Variants in FBXL14 observed in about 807,000 individuals in gnomAD.
FBXL14 encodes the protein F-box/LRR-repeat protein 14.
Under a neutral mutation model 24.5 loss-of-function variants are expected in FBXL14, and 11 were observed. The ratio of observed to expected loss-of-function variants is 0.45; its 90% CI spans 0.28 to 0.74. The LOEUF (loss-of-function observed/expected upper bound fraction) is 0.74. FBXL14 is among the 30% of genes least tolerant of loss of function. FBXL14 has a pLI of 0.12. For missense variants in FBXL14, 384 were observed against 545.6 expected (o/e 0.70, Z 2.95); for synonymous variants, 294 against 240.4 (o/e 1.22, Z -2.06).
In FBXL14 at chr12:1,566,367, C is replaced by T. The variant is rs1389208889; in HGVS notation, c.*381G>A. The stretch of plus-strand genomic sequence containing the variant: ...ATCTTATATGTATATATATAATACC[C>T]CTGTACATAGATATATGTACACATG... On this transcript the variant is annotated 3_prime_UTR_variant, in exon 2 of 2. Transcript: ENST00000339235. 6.2e-6 allele frequency: 1 copy of T among 161,686 alleles called. No individual in the cohort carries two copies. The highest frequency in any genetic ancestry group is 1.3e-5 in the Non-Finnish European group (1 of 74,710). 10.0% of individuals were successfully genotyped at this position (161,686 alleles called of 1,614,324 possible).
intron 1 of FBXL14, among the ~76,000 whole-genome samples, chr12:1,583,755 A>C (rs756494585): frequency 6.6e-6 from 1 of 152,220 alleles, no homozygotes; most frequent in Non-Finnish European, 1.5e-5. Context: ...GTTTTGCATT[A>C]ACCATACTTT....
chr12:1,582,467 T>C (rs969117357), intron 1 of FBXL14, among the ~76,000 whole-genome samples: 1 of 152,158 alleles, frequency 6.6e-6, no homozygotes, highest in Non-Finnish European at 1.5e-5. Context: ...TGCTTTTCTT[T>C]CCTTTACAAC....
At chr12:1,568,236 G>A (rs1461603251) in intron 1 of FBXL14, among the ~76,000 whole-genome samples, 2 of 152,226 alleles carry the variant, frequency 1.3e-5, no homozygotes, top group Admixed American at 1.3e-4. Flanking sequence ...GAAACCAGGT[G>A]AGCAAGGAGA....
At chr12:1,594,807 G>GGCTCCGCCGCCCTGCAGCGCGTCC (rs2094498505), upstream of FBXL14, among the ~76,000 whole-genome samples, 1 of 151,078 alleles carries the variant, frequency 6.6e-6, no homozygotes, top group African/African-American at 2.4e-5. Context: ...GGCCGGCCCC[G>GGCTCCGCCGCCCTGCAGCGCGTCC]GCTCCGCCGC....
chr12:1,588,501 T>C (rs1235087519), intron 1 of FBXL14, among the ~76,000 whole-genome samples: 2 of 152,214 alleles, frequency 1.3e-5, no homozygotes, highest in African/African-American at 4.8e-5. Context: ...TACTGGCTTT[T>C]AGTTTTAGTA....
chr12:1,588,804 G>T (rs1367252551), intron 1 of FBXL14, among the ~76,000 whole-genome samples: 1 of 151,938 alleles, frequency 6.6e-6, no homozygotes, highest in African/African-American at 2.4e-5. Flanking sequence ...AACTGCCCTG[G>T]AGTGCCTTTT....
At chr12:1,571,260 G>A (rs1208075270) in intron 1 of FBXL14, among the ~76,000 whole-genome samples, 2 of 152,094 alleles carry the variant, frequency 1.3e-5, no homozygotes, top group Admixed American at 6.6e-5. Flanking sequence ...CCAGGCTGGA[G>A]TGCAATGGCA....
rs898399635 is a variant in FBXL14, at chr12:1,569,684, G to A, written c.1195-2874C>T. ...CAGAGTGCTGGGATTACAGGCGTGA[G>A]CCACCGCTCCCGGCACCACTTGGTT... On this transcript the variant is annotated intron_variant, in intron 1 of 1. Transcript: ENST00000339235. This position sits in a 1 kb window ranked among gnomAD's most constrained non-coding sequence, Gnocchi z 4.2. Among the ~76,000 whole-genome samples, 1 of 152,256 alleles carries A rather than the reference G, an allele frequency of 6.6e-6. No homozygotes were observed. Among genetic ancestry groups the A allele is most frequent in the Admixed American group, 6.5e-5 (1 of 15,290 alleles).
rs2094462614 is a variant in FBXL14 at position 1,579,681 on chromosome 12, A to G, written c.1195-12871T>C. Among the ~76,000 whole-genome samples, 1 of 152,208 alleles carries G rather than the reference A, an allele frequency of 6.6e-6. No homozygotes were observed. Among genetic ancestry groups the G allele is most frequent in the Non-Finnish European group, 1.5e-5 (1 of 68,036 alleles). The stretch of plus-strand genomic sequence containing the variant: ...AAAGTATTTCAGGAACTTTGAAGAA[A>G]GGACCTGAAAATTATTACTCAGGCT... On this transcript the variant is annotated intron_variant, in intron 1 of 1. Coordinates refer to ENST00000339235, the MANE Select transcript of FBXL14 (RefSeq NM_152441.3). The surrounding 1 kb of genome is among the most constrained non-coding windows in gnomAD (Gnocchi z 4.3).
chr12:1,589,785 T>C (rs1565590262), intron 1 of FBXL14, among the ~76,000 whole-genome samples: 1 of 152,252 alleles, frequency 6.6e-6, no homozygotes, highest in South Asian at 2.1e-4. Flanking sequence ...ATACTAAGTA[T>C]GCCTCATTCA....
In FBXL14 at chr12:1,593,025, G is replaced by C; in HGVS notation, c.1042C>G (p.Leu348Val). Reference protein sequence around the residue: ...GQCVRITDKGLELIAEHLSQL... With the variant: ...GQCVRITDKGVELIAEHLSQL... ...CTCAGGTGCTCAGCGATCAGCTCCAGGCCCTTGTCCGTGATGCGCACACAC... is the reference window on the plus strand; with the variant it reads ...CTCAGGTGCTCAGCGATCAGCTCCACGCCCTTGTCCGTGATGCGCACACAC... Residue 348 changes from leucine to valine, a missense_variant, in exon 1 of 2, where the codon CTG becomes GTG. Coordinates refer to ENST00000339235, the MANE Select transcript of FBXL14 (RefSeq NM_152441.3). This position sits in a 1 kb window ranked among gnomAD's most constrained non-coding sequence, Gnocchi z 7.4. 1 of 1,612,386 alleles carries C rather than the reference G, an allele frequency of 6.2e-7. No individual in the cohort carries two copies. Among genetic ancestry groups the C allele is most frequent in the Non-Finnish European group, 8.5e-7 (1 of 1,180,040 alleles).
chr12:1,566,988 C>T (rs893320885), intron 1 of FBXL14, among the ~76,000 whole-genome samples, 178 bp from the exon 2 acceptor site: 5 of 151,998 alleles, frequency 3.3e-5, no homozygotes, highest in African/African-American at 4.8e-5. Flanking sequence ...AAGGTGGGGG[C>T]GGGAGGGAGG....
In FBXL14 at chr12:1,594,146, G is replaced by C; in HGVS notation, c.-80C>G. ...CCGGCCTCGGGCAGGCGACGAGAGC[G>C]CTTCTCCCCAGCCGCCGCCGCCGCC... On this transcript the variant is annotated 5_prime_UTR_variant, in exon 1 of 2. Transcript: ENST00000339235. 1 of 1,140,846 alleles carries C rather than the reference G, an allele frequency of 8.8e-7. No homozygotes were observed. The highest frequency in any genetic ancestry group is 1.1e-6 in the Non-Finnish European group (1 of 917,898). The allele number at this position is 1,140,846 out of a possible 1,614,324, so 70.7% of individuals were successfully genotyped here.
chr12:1,588,370 A>G (rs889291739), intron 1 of FBXL14, among the ~76,000 whole-genome samples: 4 of 152,186 alleles, frequency 2.6e-5, no homozygotes, highest in African/African-American at 9.7e-5. Flanking sequence ...ATATGTCCTT[A>G]TGTAAGAGAA....
intron 1 of FBXL14, chr12:1,587,330 T>C (rs1228393254): frequency 6.6e-6 from 1 of 152,064 alleles, no homozygotes; most frequent in Non-Finnish European, 1.5e-5. Context: ...TATGTGCACT[T>C]TTCTGGGTTA....
intron 1 of FBXL14, among the ~76,000 whole-genome samples, chr12:1,570,814 C>T (rs181534832): frequency 3.9e-5 from 6 of 152,138 alleles, no homozygotes; most frequent in East Asian, 1.9e-4. Context: ...TAATTCTCCT[C>T]GGCCTCTCTT....
intron 1 of FBXL14, among the ~76,000 whole-genome samples, chr12:1,573,820 C>G (rs902973331): frequency 1.3e-5 from 2 of 152,162 alleles, no homozygotes; most frequent in African/African-American, 4.8e-5. Flanking sequence ...GCCTGACCAA[C>G]ATGGAGAAAC....
intron 1 of FBXL14, among the ~76,000 whole-genome samples, chr12:1,576,090 CT>C (rs2094455429): frequency 6.6e-6 from 1 of 152,170 alleles, no homozygotes; most frequent in Non-Finnish European, 1.5e-5. Context: ...TAAATATTTC[CT>C]TTTCTTCCCA....
chr12:1,594,798 G>GCCGGCC (rs1314308829), upstream of FBXL14, among the ~76,000 whole-genome samples: 5 of 151,058 alleles, frequency 3.3e-5, no homozygotes, highest in Admixed American at 1.3e-4. Flanking sequence ...TAGCGCCCGG[G>GCCGGCC]CCGGCCCCGG....
Sources: allele counts gnomAD v4.1 joint callset (sites outside exome capture counted in the v4.1 genomes callset), GRCh38; gene constraint gnomAD v4.1.1; non-coding constraint Gnocchi (gnomAD v3.1); transcripts MANE v1.5; gene names NCBI Gene and HGNC (gene_info 2026-07-23, HGNC 2026-07-21).